The following CTNND2 variants were observed in gnomAD, a reference collection of about 807,000 sequenced individuals.
CTNND2 encodes the protein catenin delta 2, also known as catenin delta-2.
A neutral mutation model predicts 144.4 loss-of-function variants in CTNND2; 22 were observed. That is an observed-to-expected ratio of 0.15 (90% CI 0.11 to 0.22). The LOEUF is 0.22. Ranked by LOEUF, CTNND2 falls within the 10% of genes least tolerant of loss-of-function variation. CTNND2 has a pLI of 1.00. For missense variants in CTNND2, 1,353 were observed against 1,618.8 expected (o/e 0.84, Z 2.82); for synonymous variants, 751 against 695.6 (o/e 1.08, Z -1.25).
chr5:11,608,418 T>A (rs3852170), intron 2 of CTNND2, among the ~76,000 whole-genome samples: 4 of 151,956 alleles, frequency 2.6e-5, no homozygotes, highest in Middle Eastern at 6.8e-3. Flanking sequence ...CTGGCATTTC[T>A]CCCATTATTC....
intron 1 of CTNND2, among the ~76,000 whole-genome samples, chr5:11,764,807 T>C (rs763245859): frequency 3.9e-5 from 6 of 152,180 alleles, no homozygotes; most frequent in Non-Finnish European, 7.4e-5. Flanking sequence ...GAGGATCAAA[T>C]AATAAACAAC....
chr5:11,399,349 C>G (rs543852019), intron 5 of CTNND2, among the ~76,000 whole-genome samples: 4 of 152,226 alleles, frequency 2.6e-5, no homozygotes, highest in African/African-American at 9.6e-5. Context: ...AACACATAAA[C>G]AAAATACTTA....
chr5:11,862,210 T>C (rs1002341590), intron 1 of CTNND2, among the ~76,000 whole-genome samples: 16 of 152,230 alleles, frequency 1.1e-4, no homozygotes, highest in African/African-American at 2.9e-4. Context: ...TCAAAGATTG[T>C]CCTGTTTTAA....
intron 1 of CTNND2, among the ~76,000 whole-genome samples, chr5:11,895,020 G>T (rs969421670): frequency 1.3e-5 from 2 of 152,164 alleles, no homozygotes; most frequent in African/African-American, 4.8e-5. Context: ...CAGAGAGAAG[G>T]AGTGTGTGCC....
chr5:11,663,435 G>A (rs1226502646), intron 2 of CTNND2, among the ~76,000 whole-genome samples: 1 of 152,128 alleles, frequency 6.6e-6, no homozygotes, highest in South Asian at 2.1e-4. Context: ...GGTGCTTAAT[G>A]AGTAGAACAG....
intron 9 of CTNND2, among the ~76,000 whole-genome samples, chr5:11,267,516 A>G (rs913400062): frequency 2.0e-5 from 3 of 152,170 alleles, no homozygotes; most frequent in African/African-American, 7.2e-5. Flanking sequence ...TATTTTTATT[A>G]ACTTGAAAGA....
intron 3 of CTNND2, among the ~76,000 whole-genome samples, chr5:11,446,597 G>T (rs1158574589): frequency 6.6e-6 from 1 of 152,160 alleles, no homozygotes; most frequent in African/African-American, 2.4e-5. Flanking sequence ...AAAAACTAAA[G>T]GTTGCAAAAG....
intron 1 of CTNND2, among the ~76,000 whole-genome samples, chr5:11,899,579 C>G (rs192771144): frequency 5.3e-5 from 8 of 152,058 alleles, no homozygotes; most frequent in African/African-American, 1.9e-4. Context: ...CATTTAATAT[C>G]CTTTGTTAGA....
At chr5:11,194,502 A>T (rs1032489908) in intron 11 of CTNND2, among the ~76,000 whole-genome samples, 1 of 152,206 alleles carries the variant, frequency 6.6e-6, no homozygotes, top group African/African-American at 2.4e-5. Context: ...CCTGATTAAG[A>T]CACTTAAAAG....
At chr5:10,978,245 C>T (rs1173920617) in intron 21 of CTNND2, among the ~76,000 whole-genome samples, 1 of 152,180 alleles carries the variant, frequency 6.6e-6, no homozygotes, top group Non-Finnish European at 1.5e-5. Context: ...GTTGGTTACA[C>T]CTCTATGGCC....
At chr5:11,525,986 C>T (rs1773209228) in intron 3 of CTNND2, among the ~76,000 whole-genome samples, 1 of 152,198 alleles carries the variant, frequency 6.6e-6, no homozygotes, top group Admixed American at 6.5e-5. Flanking sequence ...CTCACTACAA[C>T]CTCCGTCTCC....
intron 7 of CTNND2, among the ~76,000 whole-genome samples, chr5:11,377,218 T>C (rs1581054654): frequency 1.4e-5 from 2 of 138,782 alleles, no homozygotes; most frequent in Admixed American, 8.8e-5. Flanking sequence ...ACCTGGCTAA[T>C]TTTTTTTTTG....
At chr5:11,899,693 A>G (rs1041079116) in intron 1 of CTNND2, among the ~76,000 whole-genome samples, 9 of 152,154 alleles carry the variant, frequency 5.9e-5, no homozygotes, top group Admixed American at 3.9e-4. Flanking sequence ...AAATTTTGTA[A>G]TTTACAAGCC....
intron 20 of CTNND2, among the ~76,000 whole-genome samples, chr5:10,982,993 C>G (rs1046220782): frequency 2.0e-5 from 3 of 152,118 alleles, no homozygotes; most frequent in Non-Finnish European, 4.4e-5. Context: ...TGATGGTTAT[C>G]AGAGACTGAG....
chr5:11,487,500 A>C (rs1768942605), intron 3 of CTNND2, among the ~76,000 whole-genome samples: 1 of 152,162 alleles, frequency 6.6e-6, no homozygotes, highest in South Asian at 2.1e-4. Flanking sequence ...CCCAGTGATA[A>C]ACTGATAACC....
At chr5:11,379,621 G>A (rs975824320) in intron 7 of CTNND2, among the ~76,000 whole-genome samples, 11 of 151,980 alleles carry the variant, frequency 7.2e-5, no homozygotes, top group African/African-American at 2.4e-4. Flanking sequence ...AGGTTCTGTC[G>A]CTGACTAGCC....
At chr5:11,588,983 T>G in intron 2 of CTNND2, 1 of 985,308 alleles carries the variant, frequency 1.0e-6, no homozygotes, top group Non-Finnish European at 1.2e-6. Flanking sequence ...GACGCTGAAT[T>G]ATCCTATGGT....
chr5:11,240,341 C>A (rs534312342), intron 9 of CTNND2, among the ~76,000 whole-genome samples: 9 of 125,500 alleles, frequency 7.2e-5, no homozygotes, highest in African/African-American at 2.7e-4. Context: ...AACACACATA[C>A]ACCCAACACA....
chr5:11,186,899 T>C (rs563441944), intron 11 of CTNND2, among the ~76,000 whole-genome samples: 2 of 152,234 alleles, frequency 1.3e-5, no homozygotes, highest in South Asian at 4.2e-4. Context: ...GCCCCTTACA[T>C]CCAACCTCAC....
Sources: allele counts gnomAD v4.1 joint callset (sites outside exome capture counted in the v4.1 genomes callset), GRCh38; gene constraint gnomAD v4.1.1; transcripts MANE v1.5; gene names NCBI Gene and HGNC (gene_info 2026-07-23, HGNC 2026-07-21).